INTS4: variants seen among roughly 807,000 people sequenced by gnomAD.
INTS4 encodes integrator complex subunit 4.
A neutral mutation model predicts 119.5 loss-of-function variants in INTS4; 70 were observed. That is an observed-to-expected ratio of 0.59 (90% CI 0.48 to 0.71). The LOEUF (loss-of-function observed/expected upper bound fraction) is 0.71, where lower values mean the gene tolerates loss of function less well. Ranked by LOEUF, INTS4 falls within the 30% of genes least tolerant of loss-of-function variation. INTS4 has a pLI of 0.00. For missense variants in INTS4, 867 were observed against 1,173.2 expected (o/e 0.74, Z 3.81); for synonymous variants, 316 against 419.6 (o/e 0.75, Z 3.02).
intron 4 of INTS4, among the ~76,000 whole-genome samples, chr11:77,966,886 A>G (rs1225886880): frequency 2.6e-5 from 4 of 152,214 alleles, no homozygotes; most frequent in Non-Finnish European, 5.9e-5. Flanking sequence ...ACGTTTTAAC[A>G]TATTAATTCT....
chr11:77,953,369 T>C lies in INTS4; in HGVS notation c.918+2573A>G, dbSNP rs113728035. ...ATGCCCCCACCCACCCTACATAGTA[T>C]AGTACTTTTTAGTTTATAAACATTT... On this transcript the variant is annotated intron_variant, in intron 8 of 22. Coordinates refer to ENST00000534064, the MANE Select transcript of INTS4 (RefSeq NM_033547.4). Among the ~76,000 whole-genome samples the C allele has an allele frequency of 2.7e-3, 416 of 152,306 alleles. 2 individuals carry two copies. Among genetic ancestry groups the C allele is most frequent in the African/African-American group, 9.2e-3 (381 of 41,564 alleles).
At chr11:77,990,974 T>C (rs553437391) in intron 2 of INTS4, 134 bp downstream of exon 2, 34 of 713,372 alleles carry the variant, frequency 4.8e-5, no homozygotes, top group Non-Finnish European at 7.2e-5. Flanking sequence ...TCGGTATCCA[T>C]AGTACCTAGC....
rs1231190267 is a variant in INTS4, at chr11:77,960,944, C to G, written c.657+9G>C. ...ACTAGCCCCAACTAGTTTCCATAAT[C>G]ACATTTACCATGGCTTTTATAGCTG... On this transcript the variant is annotated intron_variant, in intron 5 of 22. Coordinates refer to ENST00000534064, the MANE Select transcript of INTS4 (RefSeq NM_033547.4). 6.3e-7 allele frequency: 1 copy of G among 1,584,338 alleles called. No homozygotes were observed. The highest frequency in any genetic ancestry group is 8.6e-7 in the Non-Finnish European group (1 of 1,166,210).
intron 8 of INTS4, among the ~76,000 whole-genome samples, chr11:77,948,497 A>C (rs1265178099): frequency 2.0e-5 from 3 of 151,896 alleles, no homozygotes; most frequent in South Asian, 4.2e-4. Context: ...AATGCAAAAA[A>C]ATTAGTTGGG....
At chr11:77,987,664 G>A (rs569747701) in intron 2 of INTS4, 41 of 449,604 alleles carry the variant, frequency 9.1e-5, no homozygotes, top group African/African-American at 7.1e-4. Context: ...TCAGGAATTC[G>A]CGACCAGCCT....
At chr11:77,947,800 A>G (rs1330153131) in intron 8 of INTS4, among the ~76,000 whole-genome samples, 1 of 152,182 alleles carries the variant, frequency 6.6e-6, no homozygotes, top group Non-Finnish European at 1.5e-5. Flanking sequence ...TTATGTAACC[A>G]AAGTTGAGTT....
At chr11:77,909,124 C>A (rs1160394450) in intron 15 of INTS4, among the ~76,000 whole-genome samples, 1 of 152,142 alleles carries the variant, frequency 6.6e-6, no homozygotes, top group Non-Finnish European at 1.5e-5. Context: ...TGTTTATAGC[C>A]CTGATTGCCA....
At chr11:77,901,118 C>T (rs1300194903) in intron 18 of INTS4, among the ~76,000 whole-genome samples, 1 of 152,192 alleles carries the variant, frequency 6.6e-6, no homozygotes, top group Non-Finnish European at 1.5e-5. Flanking sequence ...TTAAGGAAAT[C>T]TATCAAGTAG....
chr11:77,880,944 CAAAA>C (rs1350152938), intron 22 of INTS4, among the ~76,000 whole-genome samples: 3 of 151,574 alleles, frequency 2.0e-5, no homozygotes, highest in Admixed American at 1.3e-4. Flanking sequence ...AACAAACAAA[CAAAA>C]AAACAAAAAA....
chr11:77,900,028 G>C (rs555442475), intron 18 of INTS4, among the ~76,000 whole-genome samples: 11 of 151,794 alleles, frequency 7.2e-5, no homozygotes, highest in African/African-American at 2.7e-4. Flanking sequence ...GCCATCACAA[G>C]CACCTTTGTT....
At chr11:77,920,351 T>C (rs546120404) in intron 14 of INTS4, among the ~76,000 whole-genome samples, 6 of 150,018 alleles carry the variant, frequency 4.0e-5, no homozygotes, top group Non-Finnish European at 7.4e-5. Context: ...ATAAAGTGAT[T>C]TGGAGTCACC....
rs780487414 is a variant in INTS4 at position 77,961,153 on chromosome 11, AAAAAAAAGAAAAAAAGAAAAAG to A, written c.472-37_472-16del. 1.3e-6 allele frequency: 2 copies of A among 1,544,108 alleles called. No homozygotes were observed. Among genetic ancestry groups the A allele is most frequent in the Non-Finnish European group, 1.7e-6 (2 of 1,154,982 alleles). ...TCTGTCAGATGCTATTAAAAAAAAA[AAAAAAAAGAAAAAAAGAAAAAG>A]AAAAAAAGGACATGATTAAGATATC... On this transcript the variant is annotated splice_polypyrimidine_tract_variant and intron_variant, in intron 4 of 22. Transcript: ENST00000534064.
intron 4 of INTS4, among the ~76,000 whole-genome samples, chr11:77,977,499 C>A (rs933719085): frequency 6.6e-6 from 1 of 151,300 alleles, no homozygotes; most frequent in Admixed American, 6.6e-5. Context: ...TATATGATTA[C>A]AGCAATGTAT....
In INTS4 at chr11:77,903,606, C is replaced by T. The variant is rs773365029; in HGVS notation, c.2031G>A (p.Lys677=). ...ACAAAGGGGCAGCTACATTCCACAA[C>T]TTTTCCTGCAAGGCCTACGCAGACA... ...QLLLIKALQE[K]LWNVAAPLYL... is the part of the protein sequence containing the mutation. Residue 677 remains lysine, a synonymous_variant, in exon 17 of 23, where the codon AAG becomes AAA. Transcript: ENST00000534064. 5.0e-6 allele frequency: 8 copies of T among 1,613,712 alleles called. No individual in the cohort carries two copies. The highest frequency in any genetic ancestry group is 5.9e-6 in the Non-Finnish European group (7 of 1,179,712).
At chr11:77,919,686 A>T (rs939457527) in intron 14 of INTS4, among the ~76,000 whole-genome samples, 16 of 152,066 alleles carry the variant, frequency 1.1e-4, no homozygotes, top group East Asian at 9.6e-4. Context: ...CATGAGAATA[A>T]TTTTTTTTTA....
At chr11:77,976,701 A>T (rs1855965401) in intron 4 of INTS4, among the ~76,000 whole-genome samples, 2 of 152,230 alleles carry the variant, frequency 1.3e-5, no homozygotes, top group African/African-American at 4.8e-5. Flanking sequence ...GATAGACTGG[A>T]TTAAGAAAAT....
chr11:77,908,930 G>C (rs115760761), intron 15 of INTS4, among the ~76,000 whole-genome samples: 2,799 of 152,264 alleles, frequency 0.018, 71 homozygotes, highest in African/African-American at 0.063. Context: ...CTCTGATTTT[G>C]TTCAAGGGAA....
At chr11:77,972,681 T>C (rs1591128605) in intron 4 of INTS4, among the ~76,000 whole-genome samples, 2 of 152,222 alleles carry the variant, frequency 1.3e-5, no homozygotes, top group South Asian at 2.1e-4. Context: ...CCTCCCAAAG[T>C]GCTAGGATTA....
At chr11:77,987,374 C>T (rs933995099) in intron 2 of INTS4, 7 of 195,196 alleles carry the variant, frequency 3.6e-5, no homozygotes, top group African/African-American at 1.4e-4. Flanking sequence ...GGTGCTGTCA[C>T]CAGGATTAAA....
Sources: allele counts gnomAD v4.1 joint callset (sites outside exome capture counted in the v4.1 genomes callset), GRCh38; gene constraint gnomAD v4.1.1; transcripts MANE v1.5; gene names NCBI Gene and HGNC (gene_info 2026-07-23, HGNC 2026-07-21).